Variants in MRPL1 observed in about 807,000 individuals in gnomAD.
The protein encoded by MRPL1 is large ribosomal subunit protein uL1m.
In MRPL1, 28 loss-of-function variants were observed where a neutral mutation model predicts 38.0. The observed-to-expected ratio is 0.74, with a 90% CI of 0.55 to 1.01. The LOEUF (loss-of-function observed/expected upper bound fraction) is 1.01. MRPL1 is among the 50% of genes least tolerant of loss of function. The probability of loss-of-function intolerance (pLI) is 0.00; values close to 1 mark genes in which losing one functional copy is unlikely to be tolerated. For missense variants in MRPL1, 358 were observed against 389.8 expected, an observed-to-expected ratio of 0.92 and a Z score of 0.69; for synonymous variants, 123 against 126.7, an observed-to-expected ratio of 0.97 and a Z score of 0.20.
At chr4:77,925,226 GA>G (rs1669809610) in intron 7 of MRPL1, among the ~76,000 whole-genome samples, 1 of 151,724 alleles carries the variant, frequency 6.6e-6, no homozygotes, top group Non-Finnish European at 1.5e-5. Context: ...ATATATGTAT[GA>G]AAAATAATGA....
intron 7 of MRPL1, among the ~76,000 whole-genome samples, chr4:77,914,917 A>G (rs1471799352): frequency 1.3e-5 from 2 of 152,180 alleles, no homozygotes; most frequent in Non-Finnish European, 2.9e-5. Context: ...CTGTTTTTGT[A>G]TAGCCTGTGA....
chr4:77,887,199 C>A, intron 4 of MRPL1, 21 bp from the exon 5 acceptor site: 1 of 1,588,278 alleles, frequency 6.3e-7, no homozygotes, highest in Non-Finnish European at 8.6e-7. Context: ...GATTGATTTT[C>A]AAATTATTGT....
intron 7 of MRPL1, among the ~76,000 whole-genome samples, chr4:77,945,865 A>G (rs941740917): frequency 6.6e-6 from 1 of 152,198 alleles, no homozygotes; most frequent in Non-Finnish European, 1.5e-5. Context: ...AATAAAGATC[A>G]CAAGGCAAAG....
chr4:77,877,323 G>A (rs1457361128), intron 2 of MRPL1, among the ~76,000 whole-genome samples: 1 of 152,148 alleles, frequency 6.6e-6, no homozygotes, highest in East Asian at 1.9e-4. Context: ...AGAGCATTGA[G>A]TCAATCTTGT....
intron 7 of MRPL1, among the ~76,000 whole-genome samples, chr4:77,924,735 T>C (rs1736671568): frequency 6.6e-6 from 1 of 152,242 alleles, no homozygotes; most frequent in Admixed American, 6.5e-5. Flanking sequence ...CATTTTACTT[T>C]GTACATCAAG....
intron 5 of MRPL1, among the ~76,000 whole-genome samples, chr4:77,893,651 G>T (rs1735853176): frequency 6.6e-6 from 1 of 152,060 alleles, no homozygotes; most frequent in African/African-American, 2.4e-5. Context: ...GAAAATTTCA[G>T]TTTCAGTTCT....
intron 8 of MRPL1, among the ~76,000 whole-genome samples, chr4:77,951,748 A>T (rs1383789697): frequency 6.6e-6 from 1 of 152,154 alleles, no homozygotes; most frequent in Non-Finnish European, 1.5e-5. Flanking sequence ...TTCCTCCCGC[A>T]TCCCAAAGGT....
chr4:77,906,425 G>C (rs1736159869), intron 6 of MRPL1, among the ~76,000 whole-genome samples: 1 of 152,142 alleles, frequency 6.6e-6, no homozygotes, highest in African/African-American at 2.4e-5. Flanking sequence ...GGCAACATAG[G>C]AGACTTGTTT....
chr4:77,947,272 C>T (rs1196132576), intron 7 of MRPL1, among the ~76,000 whole-genome samples: 1 of 152,104 alleles, frequency 6.6e-6, no homozygotes, highest in Non-Finnish European at 1.5e-5. Context: ...GTAAAGTGGT[C>T]TTTTTGTTTG....
intron 2 of MRPL1, among the ~76,000 whole-genome samples, chr4:77,882,775 T>A (rs1185327802): frequency 6.6e-6 from 1 of 152,266 alleles, no homozygotes; most frequent in Non-Finnish European, 1.5e-5. Context: ...CTGTTATGAA[T>A]AATGCTGCTA....
intron 7 of MRPL1, among the ~76,000 whole-genome samples, chr4:77,936,994 G>A (rs573926820): frequency 1.3e-5 from 2 of 151,996 alleles, no homozygotes; most frequent in Admixed American, 6.6e-5. Flanking sequence ...GCGTGGTGGC[G>A]CATGCCTGTG....
intron 7 of MRPL1, among the ~76,000 whole-genome samples, chr4:77,949,391 A>G (rs1737354587): frequency 6.6e-6 from 1 of 152,282 alleles, no homozygotes; most frequent in East Asian, 1.9e-4. Context: ...AAGCAGTTTT[A>G]TTTTGGACTC....
At chr4:77,906,655 G>A (rs1736166608) in intron 6 of MRPL1, among the ~76,000 whole-genome samples, 1 of 152,092 alleles carries the variant, frequency 6.6e-6, no homozygotes, top group Non-Finnish European at 1.5e-5. Flanking sequence ...AGTGTTGTGG[G>A]CTTAGATTTA....
intron 6 of MRPL1, among the ~76,000 whole-genome samples, chr4:77,900,377 C>T (rs935284118): frequency 1.3e-5 from 2 of 152,054 alleles, no homozygotes; most frequent in Non-Finnish European, 2.9e-5. Context: ...CAAACTGCTG[C>T]ACTAAAATGC....
At chr4:77,922,271 G>A (rs895480193) in intron 7 of MRPL1, among the ~76,000 whole-genome samples, 10 of 152,144 alleles carry the variant, frequency 6.6e-5, no homozygotes, top group Admixed American at 3.3e-4. Flanking sequence ...GAAAGTGACC[G>A]AAGGAAGGCG....
chr4:77,887,715 T>C (rs1388791678), intron 5 of MRPL1, among the ~76,000 whole-genome samples: 1 of 152,038 alleles, frequency 6.6e-6, no homozygotes, highest in African/African-American at 2.4e-5. Flanking sequence ...GATAGGGTTC[T>C]TGTTTGTTGC....
chr4:77,863,310 AT>A (rs1215763597), intron 1 of MRPL1, among the ~76,000 whole-genome samples: 29 of 152,158 alleles, frequency 1.9e-4, no homozygotes, highest in African/African-American at 6.3e-4. Flanking sequence ...GTTATAGGCG[AT>A]TCCAGTTCTT....
intron 7 of MRPL1, among the ~76,000 whole-genome samples, chr4:77,935,405 T>C (rs1183879601): frequency 6.6e-6 from 1 of 152,142 alleles, no homozygotes; most frequent in Non-Finnish European, 1.5e-5. Flanking sequence ...TCTTTTTTTT[T>C]TCTTTTTGAG....
chr4:77,912,897 T>C (rs1736321287), intron 7 of MRPL1, among the ~76,000 whole-genome samples: 1 of 152,080 alleles, frequency 6.6e-6, no homozygotes, highest in African/African-American at 2.4e-5. Context: ...AACATGCATA[T>C]ATGGACAACT....
Sources: gnomAD v4.1 joint callset for allele counts (sites outside exome capture counted in the v4.1 genomes callset) on GRCh38, gnomAD v4.1.1 for gene constraint, MANE v1.5 for transcripts, NCBI Gene and HGNC (gene_info 2026-07-23, HGNC 2026-07-21) for gene names.